The following CIP2A variants were observed in gnomAD, a reference collection of about 807,000 sequenced individuals.
CIP2A encodes protein CIP2A.
In CIP2A, 103 loss-of-function variants were observed where a neutral mutation model predicts 110.9. That is an observed-to-expected ratio of 0.93 (90% CI 0.79 to 1.09). The LOEUF is 1.09. Ranked by LOEUF, CIP2A falls within the 50% of genes least tolerant of loss-of-function variation. The pLI, the probability that CIP2A is intolerant of heterozygous loss-of-function variation, is 0.00. For synonymous variants in CIP2A, 381 were observed against 361.6 expected (o/e 1.05, Z -0.61); for missense variants, 1,088 against 1,038.4 (o/e 1.05, Z -0.66).
chr3:108,551,013 T>G lies in CIP2A; in HGVS notation c.*136A>C. 2.5e-6 allele frequency: 1 copy of G among 399,100 alleles called. No homozygotes were observed. The allele number at this position is 399,100 out of a possible 1,614,324, so 24.7% of individuals were successfully genotyped here. A position where few individuals can be genotyped will look rare whatever the true frequency, so the allele number is the denominator to read the frequency against. ...TATCAAATAAAAAACATGCAACAGA[T>G]CAGGGTCTTTACTAAATTAGATAAT... On this transcript the variant is annotated 3_prime_UTR_variant, in exon 21 of 21. Transcript: ENST00000295746.
chr3:108,571,181 T>C (rs1008009305), intron 8 of CIP2A, among the ~76,000 whole-genome samples: 1 of 152,186 alleles, frequency 6.6e-6, no homozygotes, highest in African/African-American at 2.4e-5. Context: ...CTGAAAGACC[T>C]GCCTGGCTGT....
chr3:108,563,144 GGCAGT>G lies in CIP2A; in HGVS notation c.1611_1615del (p.Leu538ArgfsTer18), dbSNP rs1559692592. 6.2e-7 allele frequency: 1 copy of G among 1,608,342 alleles called. No homozygotes were observed. The highest frequency in any genetic ancestry group is 1.1e-5 in the South Asian group (1 of 90,942). ...AACTCACACTAAAGCAGGAAAATCT[GGCAGT>G]GGAGCAGCCTCCAATAATATTCTCA... On this transcript the variant is annotated frameshift_variant, in exon 13 of 21. Coordinates refer to ENST00000295746, the MANE Select transcript of CIP2A (RefSeq NM_020890.3). LOFTEE classifies it high-confidence loss of function.
chr3:108,555,156 G>A (rs1378618881), intron 17 of CIP2A, among the ~76,000 whole-genome samples: 1 of 152,114 alleles, frequency 6.6e-6, no homozygotes, highest in Non-Finnish European at 1.5e-5. Flanking sequence ...GTCCATTCAA[G>A]GAATTTCACC....
At chr3:108,553,968 T>G (rs910864213) in intron 18 of CIP2A, among the ~76,000 whole-genome samples, 2 of 148,488 alleles carry the variant, frequency 1.3e-5, no homozygotes, top group Non-Finnish European at 3.0e-5. Context: ...GATCTTGTGC[T>G]CACTGCAACC....
At chr3:108,578,969 T>C (rs1429457958) in intron 7 of CIP2A, among the ~76,000 whole-genome samples, 2 of 152,166 alleles carry the variant, frequency 1.3e-5, no homozygotes, top group East Asian at 3.8e-4. Context: ...TTTCAAATAA[T>C]CGTAATGCTA....
intron 3 of CIP2A, among the ~76,000 whole-genome samples, 200 bp from the exon 4 acceptor site, chr3:108,582,402 G>A (rs1938913254): frequency 6.6e-6 from 1 of 152,110 alleles, no homozygotes; most frequent in South Asian, 2.1e-4. Context: ...CTCAGAGCAT[G>A]GTTATCAACC....
At chr3:108,584,060 A>T (rs1938968992) in intron 2 of CIP2A, among the ~76,000 whole-genome samples, 1 of 152,228 alleles carries the variant, frequency 6.6e-6, no homozygotes, top group African/African-American at 2.4e-5. Context: ...AGTAACGGTT[A>T]TCAAATTTTA....
chr3:108,561,117 T>C (rs1937993091), intron 13 of CIP2A, among the ~76,000 whole-genome samples: 2 of 152,160 alleles, frequency 1.3e-5, no homozygotes, highest in South Asian at 4.1e-4. Flanking sequence ...CTGTAATAAG[T>C]ACAAAGTTAT....
chr3:108,589,034 G>C (rs2107384719), intron 1 of CIP2A, among the ~76,000 whole-genome samples: 1 of 152,304 alleles, frequency 6.6e-6, no homozygotes, highest in African/African-American at 2.4e-5. Flanking sequence ...GAAACAACCT[G>C]AACTTCCCAA....
At chr3:108,581,781 A>G (rs1368919885) in intron 4 of CIP2A, among the ~76,000 whole-genome samples, 1 of 152,220 alleles carries the variant, frequency 6.6e-6, no homozygotes, top group Non-Finnish European at 1.5e-5. Flanking sequence ...TTTCATCAGT[A>G]TATTTTCCTA....
chr3:108,570,552 T>C (rs1318773779), intron 8 of CIP2A, among the ~76,000 whole-genome samples: 2 of 152,110 alleles, frequency 1.3e-5, no homozygotes, highest in Admixed American at 6.6e-5. Context: ...GTACAGAATA[T>C]TACTGTACTA....
intron 8 of CIP2A, among the ~76,000 whole-genome samples, chr3:108,573,492 G>C (rs1027418344): frequency 6.7e-6 from 1 of 150,340 alleles, no homozygotes; most frequent in African/African-American, 2.4e-5. Context: ...TTCAGGTTTT[G>C]ATACCCATAG....
At position 108,551,017 on chromosome 3, in the gene CIP2A, G is replaced by C; in HGVS notation, c.*132C>G. 1 of 404,690 alleles carries C rather than the reference G, an allele frequency of 2.5e-6. No individual in the cohort carries two copies. The highest frequency in any genetic ancestry group is 4.2e-6 in the Non-Finnish European group (1 of 237,858). The allele number at this position is 404,690 out of a possible 1,614,324, so 25.1% of individuals were successfully genotyped here. On this transcript the variant is annotated 3_prime_UTR_variant, in exon 21 of 21. Coordinates refer to ENST00000295746, the MANE Select transcript of CIP2A (RefSeq NM_020890.3). ...AAATAAAAAACATGCAACAGATCAG[G>C]GTCTTTACTAAATTAGATAATAACT...
At chr3:108,562,961 T>C (rs982755259) in intron 13 of CIP2A, among the ~76,000 whole-genome samples, 165 bp downstream of exon 13, 2 of 152,126 alleles carry the variant, frequency 1.3e-5, no homozygotes, top group African/African-American at 4.8e-5. Context: ...CATCTGAACT[T>C]TTCATTTATA....
intron 8 of CIP2A, among the ~76,000 whole-genome samples, chr3:108,574,180 C>T (rs1038866083): frequency 5.3e-5 from 8 of 151,934 alleles, no homozygotes; most frequent in African/African-American, 7.3e-5. Flanking sequence ...AGAAAGACAA[C>T]GCATTAAACA....
At chr3:108,569,694 ATATTT>A (rs1261235849) in intron 8 of CIP2A, 87 bp from the exon 9 acceptor site, 3 of 977,380 alleles carry the variant, frequency 3.1e-6, no homozygotes, top group South Asian at 1.5e-5. Flanking sequence ...AAAATGCTAC[ATATTT>A]TAAAGAAAAT....
chr3:108,557,514 G>T (rs750404249), intron 16 of CIP2A, 100 bp from the exon 17 acceptor site: 21 of 852,032 alleles, frequency 2.5e-5, no homozygotes, highest in Non-Finnish European at 3.4e-5. Context: ...TAATAAGCTG[G>T]TATCTGTTGG....
intron 8 of CIP2A, among the ~76,000 whole-genome samples, chr3:108,571,203 C>G (rs1441116092): frequency 6.6e-6 from 1 of 152,100 alleles, no homozygotes; most frequent in Non-Finnish European, 1.5e-5. Flanking sequence ...TTACAGTTAA[C>G]TTTTTTATAA....
chr3:108,573,460 T>C (rs1160376329), intron 8 of CIP2A, among the ~76,000 whole-genome samples: 1 of 151,952 alleles, frequency 6.6e-6, no homozygotes, highest in East Asian at 1.9e-4. Context: ...TTTATTTTTA[T>C]TTTTTTACTT....
Sources: gnomAD v4.1 joint callset for allele counts (sites outside exome capture counted in the v4.1 genomes callset) on GRCh38, gnomAD v4.1.1 for gene constraint, MANE v1.5 for transcripts, NCBI Gene and HGNC (gene_info 2026-07-23, HGNC 2026-07-21) for gene names.